LRP1B: variants seen among roughly 807,000 people sequenced by gnomAD.
LRP1B encodes the protein LDL receptor related protein 1B, also known as low-density lipoprotein receptor-related protein 1B.
Under a neutral mutation model 556.6 loss-of-function variants are expected in LRP1B, and 217 were observed. The ratio of observed to expected loss-of-function variants is 0.39; its 90% CI spans 0.35 to 0.44. The LOEUF (loss-of-function observed/expected upper bound fraction) is 0.44, where lower values mean the gene tolerates loss of function less well. LRP1B is among the 20% of genes least tolerant of loss of function. The probability of loss-of-function intolerance (pLI) is 1.00; values close to 1 mark genes in which losing one functional copy is unlikely to be tolerated. For synonymous variants in LRP1B, 2,047 were observed against 1,865.8 expected, an observed-to-expected ratio of 1.10 and a Z score of -2.50; for missense variants, 5,053 against 5,620.8, an observed-to-expected ratio of 0.90 and a Z score of 3.23.
chr2:140,325,952 T>C lies in LRP1B; in HGVS notation c.12224-74A>G, dbSNP rs1310310153. 5.5e-6 allele frequency: 5 copies of C among 916,198 alleles called. No homozygotes were observed. In the African/African-American group the frequency reaches 8.2e-5, roughly 15 times the overall value. The allele number at this position is 916,198 out of a possible 1,614,324, so 56.8% of individuals were successfully genotyped here. A position where few individuals can be genotyped will look rare whatever the true frequency, so the allele number is the denominator to read the frequency against. ...CATTCAAAATCATACTTTTGCTTCTTATTGTATAATTACACTTGACATTTG... is the reference window on the plus strand; with the variant it reads ...CATTCAAAATCATACTTTTGCTTCTCATTGTATAATTACACTTGACATTTG... On this transcript the variant is annotated intron_variant, in intron 79 of 90. Transcript: ENST00000389484.
chr2:141,889,869 G>A (rs1699230542), intron 1 of LRP1B, among the ~76,000 whole-genome samples: 1 of 152,050 alleles, frequency 6.6e-6, no homozygotes, highest in Non-Finnish European at 1.5e-5. Context: ...GAAATCTGCT[G>A]AATTTTGTAG....
At chr2:141,589,748 G>A (rs1474516178) in intron 2 of LRP1B, among the ~76,000 whole-genome samples, 1 of 152,084 alleles carries the variant, frequency 6.6e-6, no homozygotes, top group South Asian at 2.1e-4. Flanking sequence ...CAATCATGAG[G>A]TTGTCATATG....
intron 3 of LRP1B, among the ~76,000 whole-genome samples, chr2:141,305,117 GA>G (rs1452582433): frequency 1.8e-4 from 28 of 152,040 alleles, no homozygotes; most frequent in African/African-American, 6.8e-4. Context: ...CTATTTTTGT[GA>G]AAAATGACAT....
At chr2:140,841,701 C>T (rs1692110222) in intron 29 of LRP1B, among the ~76,000 whole-genome samples, 1 of 152,016 alleles carries the variant, frequency 6.6e-6, no homozygotes, top group South Asian at 2.1e-4. Context: ...TTGTTACAGC[C>T]AATATAAATA....
At chr2:141,974,960 A>G (rs1701844828) in intron 1 of LRP1B, among the ~76,000 whole-genome samples, 1 of 152,050 alleles carries the variant, frequency 6.6e-6, no homozygotes, top group African/African-American at 2.4e-5. Flanking sequence ...TGAAAGTTAT[A>G]TTGCACATCC....
intron 46 of LRP1B, among the ~76,000 whole-genome samples, chr2:140,535,760 G>A (rs1171941822): frequency 6.6e-6 from 1 of 152,068 alleles, no homozygotes; most frequent in Non-Finnish European, 1.5e-5. Context: ...AAATATTGTT[G>A]CAATGAAGGG....
At chr2:140,655,825 C>T (rs1249335369) in intron 41 of LRP1B, among the ~76,000 whole-genome samples, 1 of 151,856 alleles carries the variant, frequency 6.6e-6, no homozygotes, top group African/African-American at 2.4e-5. Flanking sequence ...CGCCTGTAGT[C>T]CCAGCTACTC....
chr2:140,855,127 CTG>C (rs758021947), intron 27 of LRP1B, among the ~76,000 whole-genome samples: 12 of 152,074 alleles, frequency 7.9e-5, no homozygotes, highest in Middle Eastern at 3.4e-3. Flanking sequence ...GTTTAAAACA[CTG>C]TGAAAAAAAG....
chr2:141,519,360 G>GATATATATATATATATATATAT lies in LRP1B; in HGVS notation c.206-38849_206-38828dup, dbSNP rs60473210. Among the ~76,000 whole-genome samples the GATATATATATATATATATATAT allele has an allele frequency of 8.8e-5, 6 of 68,322 alleles. 1 individual carries two copies. Among genetic ancestry groups the GATATATATATATATATATATAT allele is most frequent in the Non-Finnish European group, 1.4e-4 (5 of 36,954 alleles). The allele number at this position is 68,322 out of a possible 152,430, so 44.8% of individuals were successfully genotyped here. A position where few individuals can be genotyped will look rare whatever the true frequency, so the allele number is the denominator to read the frequency against. ...CACCATGTGTGGGGCTTAAGTCAATGATATATATATATATATATATATATA... is the reference window on the plus strand; with the variant it reads ...CACCATGTGTGGGGCTTAAGTCAATGATATATATATATATATATATATATATATATATATATATATATATATA... On this transcript the variant is annotated intron_variant, in intron 2 of 90. Coordinates refer to ENST00000389484, the MANE Select transcript of LRP1B (RefSeq NM_018557.3).
At chr2:141,928,067 C>T (rs1417799050) in intron 1 of LRP1B, among the ~76,000 whole-genome samples, 2 of 152,102 alleles carry the variant, frequency 1.3e-5, no homozygotes, top group East Asian at 1.9e-4. Context: ...TAGGGCTATG[C>T]TGTCATTCAT....
intron 18 of LRP1B, among the ~76,000 whole-genome samples, chr2:140,965,544 A>G (rs1356970050): frequency 3.4e-5 from 2 of 59,612 alleles, no homozygotes; most frequent in Non-Finnish European, 9.6e-5. Flanking sequence ...ACTATTTTCT[A>G]AATTGATTTT....
chr2:141,455,260 A>G (rs949084786), intron 3 of LRP1B, among the ~76,000 whole-genome samples: 2 of 151,230 alleles, frequency 1.3e-5, no homozygotes, highest in African/African-American at 4.9e-5. Context: ...AAAAAAAAAA[A>G]GGAACAAAGA....
At chr2:140,507,598 T>C (rs1003616774) in intron 52 of LRP1B, among the ~76,000 whole-genome samples, 12 of 152,024 alleles carry the variant, frequency 7.9e-5, no homozygotes, top group African/African-American at 2.9e-4. Context: ...ATCCAAGTGA[T>C]CAAAATTTCA....
intron 1 of LRP1B, among the ~76,000 whole-genome samples, chr2:141,828,190 G>A (rs1171838148): frequency 3.3e-5 from 5 of 151,856 alleles, no homozygotes; most frequent in East Asian, 1.9e-4. Flanking sequence ...GATCTGGAAC[G>A]ATAAACATAA....
chr2:140,880,327 T>TAATA (rs1284177601), intron 25 of LRP1B, among the ~76,000 whole-genome samples: 3 of 152,146 alleles, frequency 2.0e-5, no homozygotes, highest in Non-Finnish European at 2.9e-5. Context: ...TACTCTCTAA[T>TAATA]AATAAGCTTA....
intron 7 of LRP1B, among the ~76,000 whole-genome samples, chr2:141,182,651 C>A (rs1681057578): frequency 1.3e-5 from 2 of 151,810 alleles, no homozygotes; most frequent in Admixed American, 1.3e-4. Flanking sequence ...CTTAATTTTT[C>A]TGATTTTCCT....
chr2:141,149,540 C>A (rs1415014064), intron 7 of LRP1B, among the ~76,000 whole-genome samples: 2 of 152,112 alleles, frequency 1.3e-5, no homozygotes, highest in African/African-American at 4.8e-5. Context: ...TTCTATTCTA[C>A]AACTCCTTTA....
At chr2:140,849,792 G>A (rs1042863433) in intron 29 of LRP1B, among the ~76,000 whole-genome samples, 3 of 151,856 alleles carry the variant, frequency 2.0e-5, no homozygotes, top group Admixed American at 6.6e-5. Context: ...CACCCGCCTC[G>A]GCCTCCCAAA....
intron 1 of LRP1B, among the ~76,000 whole-genome samples, chr2:141,904,279 T>C (rs940501261): frequency 2.0e-5 from 3 of 151,744 alleles, no homozygotes; most frequent in Non-Finnish European, 4.4e-5. Context: ...AGCTTTCAAT[T>C]TTAGCTTTGG....
Sources: allele counts gnomAD v4.1 joint callset (sites outside exome capture counted in the v4.1 genomes callset), GRCh38; gene constraint gnomAD v4.1.1; transcripts MANE v1.5; gene names NCBI Gene and HGNC (gene_info 2026-07-23, HGNC 2026-07-21).